PLEKHM3: variants seen among roughly 807,000 people sequenced by gnomAD.
PLEKHM3 encodes pleckstrin homology domain containing M3.
Under a neutral mutation model 81.8 loss-of-function variants are expected in PLEKHM3, and 45 were observed. That is an observed-to-expected ratio of 0.55 (90% CI 0.43 to 0.71). The LOEUF is 0.71. Among genes scored for constraint, PLEKHM3 ranks in the 30% least tolerant of loss-of-function variants. The pLI is 0.00. For missense variants in PLEKHM3, 788 were observed against 924.3 expected (o/e 0.85, Z 1.91); for synonymous variants, 352 against 356.4 (o/e 0.99, Z 0.14).
At chr2:207,829,606 A>C (rs2092273332) in intron 7 of PLEKHM3, among the ~76,000 whole-genome samples, 1 of 152,136 alleles carries the variant, frequency 6.6e-6, no homozygotes, top group African/African-American at 2.4e-5. Flanking sequence ...AGTAACTGAC[A>C]AGCTCAAATA....
chr2:207,975,870 T>A (rs1691291262), intron 3 of PLEKHM3, among the ~76,000 whole-genome samples: 1 of 151,586 alleles, frequency 6.6e-6, no homozygotes, highest in South Asian at 2.1e-4. Flanking sequence ...GTGCTGGGAT[T>A]TCAGGTGTGA....
At chr2:207,834,339 A>T (rs2092305798) in intron 7 of PLEKHM3, among the ~76,000 whole-genome samples, 1 of 151,686 alleles carries the variant, frequency 6.6e-6, no homozygotes, top group African/African-American at 2.4e-5. Flanking sequence ...CATGTGGGTC[A>T]GGTTGGTCTC....
At chr2:207,855,766 G>A (rs2092434541) in intron 7 of PLEKHM3, among the ~76,000 whole-genome samples, 1 of 152,060 alleles carries the variant, frequency 6.6e-6, no homozygotes, top group Non-Finnish European at 1.5e-5. Flanking sequence ...ATAAAATACT[G>A]ACCAGTACTT....
intron 3 of PLEKHM3, among the ~76,000 whole-genome samples, chr2:207,960,686 G>C (rs887489058): frequency 6.6e-6 from 1 of 152,194 alleles, no homozygotes; most frequent in African/African-American, 2.4e-5. Flanking sequence ...GATGCATGTT[G>C]GTGGGTGACA....
chr2:207,937,649 A>G (rs1293881175), intron 4 of PLEKHM3, among the ~76,000 whole-genome samples: 1 of 152,166 alleles, frequency 6.6e-6, no homozygotes, highest in Non-Finnish European at 1.5e-5. Flanking sequence ...TATGACAGTT[A>G]AAATTTATAA....
Position 207,822,154 on chromosome 2 carries a change from C to T in PLEKHM3, c.*6165G>A, listed in dbSNP as rs1274540239. The stretch of plus-strand genomic sequence containing the variant: ...TAGGTGACCAAAGCTAGAACCTAGG[C>T]CTCCAGCAGCCAAAGCCTAATTTGA... On this transcript the variant is annotated 3_prime_UTR_variant, in exon 8 of 8. Coordinates refer to ENST00000427836, the MANE Select transcript of PLEKHM3 (RefSeq NM_001080475.3). The T allele has an allele frequency of 6.6e-6, 1 of 152,208 alleles. No homozygotes were observed. The highest frequency in any genetic ancestry group is 1.5e-5 in the Non-Finnish European group (1 of 68,048). 9.4% of individuals were successfully genotyped at this position (152,208 alleles called of 1,614,324 possible). A position where few individuals can be genotyped will look rare whatever the true frequency, so the allele number is the denominator to read the frequency against.
chr2:207,908,662 T>C (rs1574395311), intron 5 of PLEKHM3, 85 bp from the exon 6 acceptor site: 5 of 1,254,598 alleles, frequency 4.0e-6, no homozygotes, highest in Non-Finnish European at 1.1e-6. Context: ...CATTCAAGAA[T>C]TCCTTTCCTC....
chr2:207,890,965 A>G (rs1688043240), intron 6 of PLEKHM3, among the ~76,000 whole-genome samples: 1 of 152,224 alleles, frequency 6.6e-6, no homozygotes, highest in Non-Finnish European at 1.5e-5. Context: ...CTTCAATAAA[A>G]TTTTAATAAA....
intron 6 of PLEKHM3, chr2:207,899,906 A>G (rs1259297150): frequency 6.6e-6 from 1 of 152,162 alleles, no homozygotes; most frequent in Admixed American, 6.5e-5. Flanking sequence ...TTATGGGCCA[A>G]AATTTTAACT....
At chr2:207,840,508 T>C (rs2092344267) in intron 7 of PLEKHM3, among the ~76,000 whole-genome samples, 1 of 152,212 alleles carries the variant, frequency 6.6e-6, no homozygotes, top group African/African-American at 2.4e-5. Flanking sequence ...CTAGTGTTTT[T>C]ATATAGGGCT....
intron 7 of PLEKHM3, among the ~76,000 whole-genome samples, chr2:207,835,898 C>T (rs1375917986): frequency 2.0e-5 from 3 of 152,060 alleles, no homozygotes; most frequent in African/African-American, 7.2e-5. Context: ...TGAGGAGGGC[C>T]AGCTAGAGAT....
intron 6 of PLEKHM3, among the ~76,000 whole-genome samples, chr2:207,870,390 G>A (rs1287363303): frequency 6.6e-6 from 1 of 152,136 alleles, no homozygotes. Context: ...AGCGACTGTC[G>A]GGAATGCTTT....
rs1349305385 is a variant in PLEKHM3, at chr2:207,976,493, T to TAGGATGTTTTAATAC, written c.1546+143_1546+157dup. ...TATGTTTTAATATAGTAATTTAATATAGGATGTTTTAATACAGTAAGCTTC... is the reference window on the plus strand; with the variant it reads ...TATGTTTTAATATAGTAATTTAATATAGGATGTTTTAATACAGGATGTTTTAATACAGTAAGCTTC... On this transcript the variant is annotated intron_variant, in intron 3 of 7. Transcript: ENST00000427836. The surrounding 1 kb of genome is among the most constrained non-coding windows in gnomAD (Gnocchi z 4.1). Among the ~76,000 whole-genome samples, 89 of 152,340 alleles carry TAGGATGTTTTAATAC rather than the reference T, an allele frequency of 5.8e-4. No individual in the cohort carries two copies. The highest frequency in any genetic ancestry group is 9.1e-4 in the Non-Finnish European group (62 of 68,030).
intron 6 of PLEKHM3, among the ~76,000 whole-genome samples, chr2:207,892,152 T>C (rs1341871882): frequency 6.6e-6 from 1 of 152,132 alleles, no homozygotes; most frequent in Non-Finnish European, 1.5e-5. Flanking sequence ...TGTCTTATAC[T>C]TTTCTTCAAA....
intron 7 of PLEKHM3, among the ~76,000 whole-genome samples, chr2:207,855,352 G>A (rs1221900548): frequency 1.3e-5 from 2 of 152,096 alleles, no homozygotes; most frequent in Non-Finnish European, 2.9e-5. Flanking sequence ...ATAGTACTGG[G>A]CTGTAACCCA....
intron 7 of PLEKHM3, among the ~76,000 whole-genome samples, chr2:207,849,237 A>T (rs970734153): frequency 9.9e-5 from 15 of 152,056 alleles, no homozygotes; most frequent in Non-Finnish European, 1.3e-4. Flanking sequence ...AGGGGGCTAA[A>T]GCTGGAGAAT....
chr2:207,968,519 C>T (rs17537650), intron 3 of PLEKHM3, among the ~76,000 whole-genome samples: 8,570 of 152,220 alleles, frequency 0.056, 304 homozygotes, highest in Middle Eastern at 0.085. Flanking sequence ...CACCCCATCC[C>T]ATTCTTCAGC....
chr2:207,965,569 T>C (rs2106006660), intron 3 of PLEKHM3, among the ~76,000 whole-genome samples: 1 of 152,334 alleles, frequency 6.6e-6, no homozygotes, highest in East Asian at 1.9e-4. Context: ...TTATATCCTA[T>C]AAAATCAAAG....
At chr2:207,889,998 T>A (rs527832341) in intron 6 of PLEKHM3, among the ~76,000 whole-genome samples, 1 of 151,834 alleles carries the variant, frequency 6.6e-6, no homozygotes, top group Admixed American at 6.5e-5. Flanking sequence ...AGAGACGGGG[T>A]TTCACCATGT....
Sources: gnomAD v4.1 joint callset for allele counts (sites outside exome capture counted in the v4.1 genomes callset) on GRCh38, gnomAD v4.1.1 for gene constraint, Gnocchi (gnomAD v3.1) non-coding constraint, MANE v1.5 for transcripts, NCBI Gene and HGNC (gene_info 2026-07-23, HGNC 2026-07-21) for gene names.